The following IGF2BP1 variants were observed in gnomAD, a reference collection of about 807,000 sequenced individuals.
IGF2BP1 encodes insulin like growth factor 2 mRNA binding protein 1, also known as insulin-like growth factor 2 mRNA-binding protein 1.
Under a neutral mutation model 74.9 loss-of-function variants are expected in IGF2BP1, and 11 were observed. The observed-to-expected ratio is 0.15, with a 90% CI of 0.09 to 0.24. IGF2BP1 has a LOEUF of 0.24. IGF2BP1 is among the 10% of genes least tolerant of loss of function. The pLI, the probability that IGF2BP1 is intolerant of heterozygous loss-of-function variation, is 1.00. For missense variants in IGF2BP1, 440 were observed against 757.4 expected (o/e 0.58, Z 4.92); for synonymous variants, 287 against 281.8 (o/e 1.02, Z -0.18).
chr17:49,047,166 T>C (rs1392900876), intron 14 of IGF2BP1, among the ~76,000 whole-genome samples: 1 of 152,124 alleles, frequency 6.6e-6, no homozygotes, highest in East Asian at 1.9e-4. Context: ...TGGCTTCCAG[T>C]GCCCATATAG....
At chr17:49,011,001 G>T (rs555065921) in intron 2 of IGF2BP1, among the ~76,000 whole-genome samples, 1 of 151,752 alleles carries the variant, frequency 6.6e-6, no homozygotes, top group South Asian at 2.1e-4. Flanking sequence ...GCCAGGCATG[G>T]TGGCGCGCAC....
In IGF2BP1 at chr17:49,045,972, G is replaced by T; in HGVS notation, c.1478G>T (p.Arg493Leu). 2 of 1,614,146 alleles carry T rather than the reference G, an allele frequency of 1.2e-6. No homozygotes were observed. The highest frequency in any genetic ancestry group is 2.2e-5 in the South Asian group (2 of 91,074). The stretch of plus-strand genomic sequence containing the variant: ...GAAGTGAAGCTGGAGACCCACATAC[G>T]TGTGCCAGCATCAGCAGCTGGCCGG... ...KEEVKLETHIRVPASAAGRVI... is the reference protein window; with the variant it reads ...KEEVKLETHILVPASAAGRVI... Residue 493 changes from arginine to leucine, a missense_variant, in exon 13 of 15, where the codon CGT (arginine) becomes CTT (leucine). Arg to Leu is a moderately radical substitution (Grantham distance 102, BLOSUM62 -2). Around this residue, in one of 5 missense-constraint regions of IGF2BP1, gnomAD observed 117 missense variants for 237.2 expected, o/e 0.49. Coordinates refer to ENST00000290341, the MANE Select transcript of IGF2BP1 (RefSeq NM_006546.4).
Position 48,997,524 on chromosome 17 carries a change from C to T in IGF2BP1, c.-222C>T. On this transcript the variant is annotated 5_prime_UTR_variant, in exon 1 of 15. Transcript: ENST00000290341. This position sits in a 1 kb window ranked among gnomAD's most constrained non-coding sequence, Gnocchi z 4.8. ...CCGTGTCGTCCGTCTCCCTGCGCGC[C>T]GCGGGCACTTCTCCTGGGCTCTCCC... 1 of 523,472 alleles carries T rather than the reference C, an allele frequency of 1.9e-6. No individual in the cohort carries two copies. Among genetic ancestry groups the T allele is most frequent in the East Asian group, 3.4e-5 (1 of 29,590 alleles). 32.4% of individuals were successfully genotyped at this position (523,472 alleles called of 1,614,324 possible). A position where few individuals can be genotyped will look rare whatever the true frequency, so the allele number is the denominator to read the frequency against.
At position 48,997,608 on chromosome 17, in the gene IGF2BP1, A is replaced by T; in HGVS notation, c.-138A>T. On this transcript the variant is annotated 5_prime_UTR_variant, in exon 1 of 15. Transcript: ENST00000290341. The surrounding 1 kb of genome is among the most constrained non-coding windows in gnomAD (Gnocchi z 4.8). ...CCGCCTTCCCCGCCCTGGGCTCGGG[A>T]CAACTTCTGGGGTGGGGTGCAAAGA... 1.1e-6 allele frequency: 1 copy of T among 904,232 alleles called. No individual in the cohort carries two copies. The highest frequency in any genetic ancestry group is 1.6e-6 in the Non-Finnish European group (1 of 607,574). The allele number at this position is 904,232 out of a possible 1,614,324, so 56.0% of individuals were successfully genotyped here.
intron 2 of IGF2BP1, among the ~76,000 whole-genome samples, chr17:48,999,421 G>A (rs1047002446): frequency 2.6e-5 from 4 of 152,206 alleles, no homozygotes; most frequent in African/African-American, 9.6e-5. Context: ...AATTAAAGGG[G>A]AAAGAAAATC....
At chr17:49,034,115 C>CCT (rs2041954819) in intron 5 of IGF2BP1, among the ~76,000 whole-genome samples, 7 of 118,418 alleles carry the variant, frequency 5.9e-5, no homozygotes, top group African/African-American at 1.0e-4. Flanking sequence ...TGATTTGCCC[C>CCT]TTTTTTTTTT....
upstream of IGF2BP1, among the ~76,000 whole-genome samples, chr17:48,996,665 A>G (rs758547573): frequency 6.6e-6 from 1 of 152,084 alleles, no homozygotes; most frequent in Non-Finnish European, 1.5e-5. Context: ...CAGGACCCCG[A>G]AACGTTATCA....
At chr17:49,011,164 A>AAAAC (rs1323911938) in intron 2 of IGF2BP1, among the ~76,000 whole-genome samples, 3 of 132,418 alleles carry the variant, frequency 2.3e-5, no homozygotes, top group African/African-American at 5.8e-5. Context: ...AAAAAAAAAA[A>AAAAC]AAACAAACCC....
intron 7 of IGF2BP1, among the ~76,000 whole-genome samples, chr17:49,040,917 T>G (rs914561800): frequency 1.3e-5 from 2 of 152,226 alleles, no homozygotes; most frequent in Non-Finnish European, 2.9e-5. Flanking sequence ...TAAAATAGCT[T>G]TATTGGCTGG....
chr17:49,024,627 G>C (rs8076012), intron 2 of IGF2BP1, among the ~76,000 whole-genome samples: 1 of 151,916 alleles, frequency 6.6e-6, no homozygotes, highest in East Asian at 1.9e-4. Flanking sequence ...TCTGTTTTAC[G>C]TAGGAAGAAA....
intron 3 of IGF2BP1, 165 bp from the exon 4 acceptor site, chr17:49,026,301 C>T (rs2041852432): frequency 1.7e-6 from 1 of 592,058 alleles, no homozygotes; most frequent in African/African-American, 1.9e-5. Context: ...GATACCCCAT[C>T]AGCATTAGCA....
At chr17:49,042,478 C>T in intron 9 of IGF2BP1, 101 bp downstream of exon 9, 3 of 1,300,964 alleles carry the variant, frequency 2.3e-6, no homozygotes, top group Non-Finnish European at 3.3e-6. Context: ...GCCGTGTGGC[C>T]TTGGAGCTTT....
Position 49,049,951 on chromosome 17 carries a change from A to T in IGF2BP1, c.*507A>T, listed in dbSNP as rs567375437. ...ATTTTTTTATCTTTATTGCTACCAG[A>T]AAAAAATGCGAACGAATGCATTGCT... On this transcript the variant is annotated 3_prime_UTR_variant, in exon 15 of 15. Coordinates refer to ENST00000290341, the MANE Select transcript of IGF2BP1 (RefSeq NM_006546.4). 6.5e-6 allele frequency: 1 copy of T among 153,796 alleles called. No individual in the cohort carries two copies. The highest frequency in any genetic ancestry group is 2.0e-4 in the South Asian group (1 of 4,918). 9.5% of individuals were successfully genotyped at this position (153,796 alleles called of 1,614,324 possible).
intron 2 of IGF2BP1, among the ~76,000 whole-genome samples, chr17:49,016,736 G>A (rs1045756126): frequency 1.1e-4 from 16 of 151,828 alleles, no homozygotes; most frequent in Admixed American, 2.0e-4. Context: ...CTCCCAGTAG[G>A]TCAATGTTTT....
In IGF2BP1 at chr17:49,041,490, A is replaced by G. The variant is rs200635549; in HGVS notation, c.931A>G (p.Thr311Ala). Residue 311 changes from threonine (T) to alanine (A), a missense_variant, in exon 8 of 15, where the codon ACC becomes GCC. Physicochemically the swap from Thr to Ala is moderately conservative, Grantham distance 58 (BLOSUM62 0). Around this residue, in one of 5 missense-constraint regions of IGF2BP1, gnomAD observed 184 missense variants for 273.4 expected, o/e 0.67. Transcript: ENST00000290341. ...AGAGCAAGATACCGAGACAAAAATC[A>G]CCATCTCCTCGTAAGGCTCTCTTCT... ...KVEQDTETKI[T>A]ISSLQDLTLY... 1.0e-4 allele frequency: 165 copies of G among 1,613,960 alleles called. 1 individual carries two copies. The highest frequency in any genetic ancestry group is 9.3e-6 in the Non-Finnish European group (11 of 1,180,022).
chr17:49,043,526 G>T lies in IGF2BP1; in HGVS notation c.1176G>T (p.Gly392=). The T allele has an allele frequency of 6.2e-7, 1 of 1,614,076 alleles. No individual in the cohort carries two copies. Among genetic ancestry groups the T allele is most frequent in the Non-Finnish European group, 8.5e-7 (1 of 1,179,986 alleles). ...AVPPPPSSVT[G]AAPYSSFMQA... ...CGCCGCCTCCCAGCAGCGTTACTGG[G>T]GCTGCTCCCTATAGCTCCTTTATGG... Residue 392 remains glycine, a synonymous_variant, in exon 10 of 15, where the codon GGG becomes GGT. Coordinates refer to ENST00000290341, the MANE Select transcript of IGF2BP1 (RefSeq NM_006546.4).
In IGF2BP1 at chr17:49,049,419, ACCAGGC is replaced by A. The variant is rs761658543; in HGVS notation, c.1716_1721del (p.Gln573_Ala574del). 3.3e-4 allele frequency: 529 copies of A among 1,614,144 alleles called. 3 individuals carry two copies. The highest frequency in any genetic ancestry group is 1.1e-3 in the South Asian group (99 of 91,072). ...CAGCAGCATCAGAAGGGACAGAGTA[ACCAGGC>A]CCAGGCACGGAGGAAGTGACCAGCC... On this transcript the variant is annotated inframe_deletion, in exon 15 of 15. Transcript: ENST00000290341.
chr17:49,032,818 T>G (rs753376452), intron 5 of IGF2BP1, among the ~76,000 whole-genome samples: 1 of 152,206 alleles, frequency 6.6e-6, no homozygotes, highest in Non-Finnish European at 1.5e-5. Flanking sequence ...CTATTGTTGC[T>G]GTGTTCTTGT....
Position 49,043,431 on chromosome 17 carries a change from C to G in IGF2BP1, c.1081C>G (p.Gln361Glu). Reference protein sequence around the residue: ...YENDVAAMSLQSHLIPGLNLA... With the variant: ...YENDVAAMSLESHLIPGLNLA... ...CCTCCTCATCTTTCTTCCCCAGCTG[C>G]AGTCTCACCTGATCCCTGGCCTGAA... is the stretch of plus-strand genomic sequence containing the variant. The change falls in exon 10 of 15, where the codon CAG (glutamine) becomes GAG (glutamate). Residue 361 changes from glutamine (Q) to glutamate (E), a missense_variant. Physicochemically the swap from Gln to Glu is conservative, Grantham distance 29 (BLOSUM62 2). Transcript: ENST00000290341. 1 of 1,613,882 alleles carries G rather than the reference C, an allele frequency of 6.2e-7. No individual in the cohort carries two copies. Among genetic ancestry groups the G allele is most frequent in the Non-Finnish European group, 8.5e-7 (1 of 1,179,964 alleles).
Sources: allele counts gnomAD v4.1 joint callset (sites outside exome capture counted in the v4.1 genomes callset), GRCh38; gene constraint gnomAD v4.1.1; regional missense constraint gnomAD v4.1.1; non-coding constraint Gnocchi (gnomAD v3.1); transcripts MANE v1.5; gene names NCBI Gene and HGNC (gene_info 2026-07-23, HGNC 2026-07-21).